The following DPYD variants were observed in gnomAD, a reference collection of about 807,000 sequenced individuals.
DPYD encodes dihydropyrimidine dehydrogenase [NADP(+)].
Under a neutral mutation model 116.2 loss-of-function variants are expected in DPYD, and 109 were observed. The observed-to-expected ratio is 0.94, with a 90% confidence interval of 0.80 to 1.10. The LOEUF (loss-of-function observed/expected upper bound fraction) is 1.10. DPYD is among the 50% of genes least tolerant of loss of function. The pLI is 0.00. For missense variants in DPYD, 1,302 were observed against 1,254.5 expected (o/e 1.04, Z -0.57); for synonymous variants, 440 against 432.0 (o/e 1.02, Z -0.23).
At chr1:97,793,028 C>G (rs1667395965) in intron 3 of DPYD, among the ~76,000 whole-genome samples, 1 of 152,076 alleles carries the variant, frequency 6.6e-6, no homozygotes, top group Non-Finnish European at 1.5e-5. Flanking sequence ...AATAATGTAT[C>G]AATACTGGTT....
At chr1:97,605,366 T>A (rs1472853542) in intron 8 of DPYD, among the ~76,000 whole-genome samples, 1 of 151,928 alleles carries the variant, frequency 6.6e-6, no homozygotes, top group Non-Finnish European at 1.5e-5. Context: ...ATGGGGGTGA[T>A]TTCCCCCATG....
chr1:97,633,033 A>T (rs1296528588), intron 8 of DPYD, among the ~76,000 whole-genome samples: 1 of 152,096 alleles, frequency 6.6e-6, no homozygotes, highest in Non-Finnish European at 1.5e-5. Flanking sequence ...TTCAAACTGT[A>T]TCAAATTTGC....
At chr1:97,401,953 T>C (rs1464265886) in intron 14 of DPYD, among the ~76,000 whole-genome samples, 1 of 152,148 alleles carries the variant, frequency 6.6e-6, no homozygotes, top group Non-Finnish European at 1.5e-5. Context: ...GGTCTATTTC[T>C]GGGATGTCTT....
At chr1:97,599,144 G>C (rs1171907464) in intron 8 of DPYD, among the ~76,000 whole-genome samples, 1 of 152,134 alleles carries the variant, frequency 6.6e-6, no homozygotes, top group Non-Finnish European at 1.5e-5. Context: ...TTTGTTTTGT[G>C]ATTATTTTCT....
At chr1:97,798,565 T>C (rs974306305) in intron 3 of DPYD, among the ~76,000 whole-genome samples, 2 of 151,910 alleles carry the variant, frequency 1.3e-5, no homozygotes, top group African/African-American at 2.4e-5. Flanking sequence ...AAAATGAGTA[T>C]ACTAATAGTA....
At chr1:97,175,195 C>T (rs1187146724) in intron 20 of DPYD, among the ~76,000 whole-genome samples, 1 of 149,552 alleles carries the variant, frequency 6.7e-6, no homozygotes, top group Non-Finnish European at 1.5e-5. Flanking sequence ...TCTTTGCCAA[C>T]ATTTATGTTT....
rs549945669 is a variant in DPYD at position 97,469,458 on chromosome 1, C to T, written c.1741-19235G>A. 3.5e-5 allele frequency among the ~76,000 whole-genome samples: 5 copies of T among 142,088 alleles called. No homozygotes were observed. In the South Asian group the frequency reaches 1.1e-3, roughly 31 times the overall value. 93.2% of individuals were successfully genotyped at this position (142,088 alleles called of 152,430 possible). A position where few individuals can be genotyped will look rare whatever the true frequency, so the allele number is the denominator to read the frequency against. On this transcript the variant is annotated intron_variant, in intron 13 of 22. Coordinates refer to ENST00000370192, the MANE Select transcript of DPYD (RefSeq NM_000110.4). ...AATAAATAAAATGCCAGTATTTCCT[C>T]AGAAACCTTTTTGGTTGTAGTTGAT...
intron 19 of DPYD, among the ~76,000 whole-genome samples, chr1:97,223,388 A>AACACACACAC (rs67855545): frequency 1.1e-3 from 163 of 148,426 alleles, no homozygotes; most frequent in East Asian, 7.2e-3. Flanking sequence ...GATAGAATTA[A>AACACACACAC]ACACACACAC....
At chr1:97,530,560 C>G (rs1454962727) in intron 12 of DPYD, among the ~76,000 whole-genome samples, 1 of 152,148 alleles carries the variant, frequency 6.6e-6, no homozygotes, top group African/African-American at 2.4e-5. Flanking sequence ...TATATCTTGG[C>G]TATTGTGAAT....
chr1:97,479,314 C>A (rs752141136), intron 13 of DPYD, among the ~76,000 whole-genome samples: 2 of 152,140 alleles, frequency 1.3e-5, no homozygotes, highest in African/African-American at 2.4e-5. Flanking sequence ...CACTTGAACA[C>A]TTAGAGAACA....
chr1:97,908,350 T>C (rs574670201), intron 1 of DPYD, among the ~76,000 whole-genome samples: 1 of 152,022 alleles, frequency 6.6e-6, no homozygotes, highest in Non-Finnish European at 1.5e-5. Flanking sequence ...CTGGCCTGGC[T>C]GTCCTTTCTT....
intron 13 of DPYD, among the ~76,000 whole-genome samples, chr1:97,480,270 G>A (rs1570804136): frequency 6.6e-6 from 1 of 152,244 alleles, no homozygotes; most frequent in East Asian, 1.9e-4. Context: ...GCCACATGGA[G>A]AGTGGCATAA....
chr1:97,905,892 T>C (rs1313904984), intron 1 of DPYD, among the ~76,000 whole-genome samples: 5 of 152,092 alleles, frequency 3.3e-5, no homozygotes, highest in South Asian at 2.1e-4. Context: ...CTCATATTCA[T>C]AGATTTTAGT....
chr1:97,160,729 C>T (rs535415266), intron 20 of DPYD, among the ~76,000 whole-genome samples: 6 of 152,194 alleles, frequency 3.9e-5, no homozygotes, highest in African/African-American at 1.4e-4. Context: ...AGTGTACAAC[C>T]TAAATTGTTT....
rs150829917 is a variant in DPYD, at chr1:97,500,812, G to A, written c.1740+14914C>T. Reference sequence around the variant, plus strand: ...CAACCCTTTTGTTTCCACTAAATCCGTATTCTGTCATCCACTGGCAGGGAG... The same window carrying A: ...CAACCCTTTTGTTTCCACTAAATCCATATTCTGTCATCCACTGGCAGGGAG... On this transcript the variant is annotated intron_variant, in intron 13 of 22. Coordinates refer to ENST00000370192, the MANE Select transcript of DPYD (RefSeq NM_000110.4). Among the ~76,000 whole-genome samples, 472 of 152,044 alleles carry A rather than the reference G, an allele frequency of 3.1e-3. 2 individuals carry two copies. Among genetic ancestry groups the A allele is most frequent in the Middle Eastern group, 6.8e-3 (2 of 294 alleles).
intron 8 of DPYD, among the ~76,000 whole-genome samples, chr1:97,606,381 G>C (rs1655601232): frequency 6.6e-6 from 1 of 152,010 alleles, no homozygotes; most frequent in African/African-American, 2.4e-5. Context: ...CACCTGCTAT[G>C]AGAGAAGGAT....
At chr1:97,672,408 A>G (rs536880083) in intron 8 of DPYD, among the ~76,000 whole-genome samples, 252 of 152,264 alleles carry the variant, frequency 1.7e-3, no homozygotes, top group African/African-American at 5.8e-3. Flanking sequence ...ATGAACTCTC[A>G]GCTGGAATTC....
chr1:97,257,319 G>A (rs1435943751), intron 18 of DPYD, among the ~76,000 whole-genome samples: 2 of 151,406 alleles, frequency 1.3e-5, no homozygotes, highest in Non-Finnish European at 2.9e-5. Flanking sequence ...ACATTCAGAT[G>A]TATTTATACT....
chr1:97,578,781 C>T (rs2102201345), intron 10 of DPYD, among the ~76,000 whole-genome samples: 1 of 152,218 alleles, frequency 6.6e-6, no homozygotes, highest in South Asian at 2.1e-4. Context: ...CCAGTCTAAG[C>T]TCATTTACAG....
Sources: allele counts gnomAD v4.1 joint callset (sites outside exome capture counted in the v4.1 genomes callset), GRCh38; gene constraint gnomAD v4.1.1; transcripts MANE v1.5; gene names NCBI Gene and HGNC (gene_info 2026-07-23, HGNC 2026-07-21).